The following ARIH1 variants were observed in gnomAD, a reference collection of about 807,000 sequenced individuals.
ARIH1 encodes E3 ubiquitin-protein ligase ARIH1.
ARIH1 carries 8 observed loss-of-function variants against 85.0 expected under a neutral mutation model. The ratio of observed to expected loss-of-function variants is 0.09; its 90% confidence interval spans 0.06 to 0.17. ARIH1 has a LOEUF of 0.17. ARIH1 is among the 10% of genes least tolerant of loss of function. The pLI is 1.00. For missense variants in ARIH1, 311 were observed against 718.1 expected (o/e 0.43, Z 6.48); for synonymous variants, 238 against 253.6 (o/e 0.94, Z 0.59).
At chr15:72,553,424 C>G (rs1246343667) in intron 3 of ARIH1, among the ~76,000 whole-genome samples, 1 of 152,072 alleles carries the variant, frequency 6.6e-6, no homozygotes, top group Admixed American at 6.5e-5. Context: ...ATATACTATC[C>G]AGTTCACCCA....
intron 2 of ARIH1, among the ~76,000 whole-genome samples, chr15:72,525,890 C>T (rs1201050712): frequency 6.6e-6 from 1 of 152,116 alleles, no homozygotes; most frequent in Non-Finnish European, 1.5e-5. Context: ...ATCCTCTCAC[C>T]TCAGCCCCAC....
chr15:72,587,732 G>C lies in ARIH1; in HGVS notation c.*4440G>C, dbSNP rs2064323396. The stretch of plus-strand genomic sequence containing the variant: ...ATATCTGGTTTATTTTAGGGATTTT[G>C]CTTCTGTAGTTACCCAAGATCAAAT... On this transcript the variant is annotated 3_prime_UTR_variant, in exon 14 of 14. Transcript: ENST00000379887. 6.6e-6 allele frequency: 1 copy of C among 152,636 alleles called. No homozygotes were observed. Among genetic ancestry groups the C allele is most frequent in the Non-Finnish European group, 1.5e-5 (1 of 68,418 alleles). The allele number at this position is 152,636 out of a possible 1,614,324, so 9.5% of individuals were successfully genotyped here. A position where few individuals can be genotyped will look rare whatever the true frequency, so the allele number is the denominator to read the frequency against.
At chr15:72,486,245 GA>G (rs1333258316) in intron 1 of ARIH1, among the ~76,000 whole-genome samples, 1 of 152,028 alleles carries the variant, frequency 6.6e-6, no homozygotes, top group Non-Finnish European at 1.5e-5. Flanking sequence ...ATATTAAATA[GA>G]AAATTTCAGA....
rs2064357930 is a variant in ARIH1 at position 72,594,952 on chromosome 15, G to A, written c.*11660G>A. 1 of 150,150 alleles carries A rather than the reference G, an allele frequency of 6.7e-6. No individual in the cohort carries two copies. The highest frequency in any genetic ancestry group is 2.1e-4 in the South Asian group (1 of 4,746). 9.3% of individuals were successfully genotyped at this position (150,150 alleles called of 1,614,324 possible). A position where few individuals can be genotyped will look rare whatever the true frequency, so the allele number is the denominator to read the frequency against. On this transcript the variant is annotated 3_prime_UTR_variant, in exon 14 of 14. Coordinates refer to ENST00000379887, the MANE Select transcript of ARIH1 (RefSeq NM_005744.5). ...AAAGATTTTAATGTTTCATCACTAA[G>A]TATAATGTTAACTGTAAGTTTTTCA...
intron 3 of ARIH1, among the ~76,000 whole-genome samples, chr15:72,548,263 C>A (rs2140425850): frequency 6.6e-6 from 1 of 152,210 alleles, no homozygotes; most frequent in Admixed American, 6.5e-5. Flanking sequence ...CATCTGAAGG[C>A]ATGGTAGTTA....
At chr15:72,563,315 T>C (rs1399071531) in intron 6 of ARIH1, 79 bp from the exon 7 acceptor site, 2 of 1,273,936 alleles carry the variant, frequency 1.6e-6, no homozygotes, top group Non-Finnish European at 2.3e-6. Flanking sequence ...CGCCTTGGCC[T>C]CCCTAAGTTC....
rs751344394 is a variant in ARIH1 at position 72,474,659 on chromosome 15, A to G, written c.20A>G (p.Tyr7Cys). Residue 7 changes from tyrosine (Y) to cysteine (C), a missense_variant, in exon 1 of 14, where the codon TAC (tyrosine) becomes TGC (cysteine). This residue lies in a region of ARIH1 where 157 missense variants were observed against 185.1 expected (regional missense o/e 0.85). Transcript: ENST00000379887. MDSDEGYNYEFDEDEEC... is the reference protein window; with the variant it reads MDSDEGCNYEFDEDEEC... Reference sequence around the variant, plus strand: ...CGCGCCATGGACTCGGACGAGGGCTACAACTACGAGTTCGACGAGGACGAG... The same window carrying G: ...CGCGCCATGGACTCGGACGAGGGCTGCAACTACGAGTTCGACGAGGACGAG... 7 of 1,550,724 alleles carry G rather than the reference A, an allele frequency of 4.5e-6. No homozygotes were observed. The highest frequency in any genetic ancestry group is 2.6e-5 in the East Asian group (1 of 39,074).
intron 1 of ARIH1, among the ~76,000 whole-genome samples, chr15:72,493,380 T>A (rs2063867181): frequency 6.6e-6 from 1 of 152,150 alleles, no homozygotes; most frequent in African/African-American, 2.4e-5. Flanking sequence ...TTGAGGCCTG[T>A]GCATGTCTGT....
intron 2 of ARIH1, among the ~76,000 whole-genome samples, chr15:72,531,133 G>A (rs1323205770): frequency 1.3e-5 from 2 of 152,092 alleles, no homozygotes; most frequent in Non-Finnish European, 2.9e-5. Context: ...ACACCTTACA[G>A]TCCAAAAAGA....
chr15:72,549,544 G>T (rs1465886177), intron 3 of ARIH1, among the ~76,000 whole-genome samples: 1 of 152,162 alleles, frequency 6.6e-6, no homozygotes, highest in Non-Finnish European at 1.5e-5. Flanking sequence ...GCTGGAAACT[G>T]CTTGAAAATA....
At chr15:72,514,348 C>A (rs2063964912) in intron 1 of ARIH1, among the ~76,000 whole-genome samples, 1 of 152,140 alleles carries the variant, frequency 6.6e-6, no homozygotes, top group East Asian at 1.9e-4. Flanking sequence ...CTGTCATCTT[C>A]TTTCTGATAG....
In ARIH1 at chr15:72,509,837, G is replaced by A. The variant is rs181319786; in HGVS notation, c.376-8230G>A. ...ACTCTTGGGCTCAAGCAGTCCTCCC[G>A]CCTTGGCCCCTCAAAGTGTTGGGAT... On this transcript the variant is annotated intron_variant, in intron 1 of 13. Coordinates refer to ENST00000379887, the MANE Select transcript of ARIH1 (RefSeq NM_005744.5). Among the ~76,000 whole-genome samples the A allele has an allele frequency of 3.2e-4, 48 of 151,814 alleles. No individual in the cohort carries two copies. In the East Asian group the frequency reaches 8.3e-3, roughly 26 times the overall value.
At position 72,563,511 on chromosome 15, in the gene ARIH1, G is replaced by A. The variant is rs2064205975; in HGVS notation, c.911+11G>A. 1.2e-6 allele frequency: 2 copies of A among 1,601,920 alleles called. No individual in the cohort carries two copies. Among genetic ancestry groups the A allele is most frequent in the Admixed American group, 1.7e-5 (1 of 59,964 alleles). On this transcript the variant is annotated intron_variant, in intron 7 of 13. Coordinates refer to ENST00000379887, the MANE Select transcript of ARIH1 (RefSeq NM_005744.5). The stretch of plus-strand genomic sequence containing the variant: ...TGGGCGCCAATTTTGGTAAGCAAGT[G>A]ATTTCCTAAATTGAAATAGTGCACA...
intron 1 of ARIH1, among the ~76,000 whole-genome samples, chr15:72,507,790 A>G (rs1473437543): frequency 1.3e-5 from 2 of 152,258 alleles, no homozygotes; most frequent in Non-Finnish European, 2.9e-5. Context: ...CAGCTAGGAC[A>G]GTTGACATAA....
Position 72,592,820 on chromosome 15 carries a change from C to T in ARIH1, c.*9528C>T, listed in dbSNP as rs148560455. ...TTTATTCATTCTCCTATTGAAGGACCTTTAGGTTGTTTCCAGTTTGGGGCA... is the reference window on the plus strand; with the variant it reads ...TTTATTCATTCTCCTATTGAAGGACTTTTAGGTTGTTTCCAGTTTGGGGCA... On this transcript the variant is annotated 3_prime_UTR_variant, in exon 14 of 14. Coordinates refer to ENST00000379887, the MANE Select transcript of ARIH1 (RefSeq NM_005744.5). The T allele has an allele frequency of 6.6e-4, 100 of 152,218 alleles. No individual in the cohort carries two copies. The highest frequency in any genetic ancestry group is 2.3e-3 in the African/African-American group (95 of 41,532). 9.4% of individuals were successfully genotyped at this position (152,218 alleles called of 1,614,324 possible).
intron 3 of ARIH1, among the ~76,000 whole-genome samples, chr15:72,549,531 G>T (rs897886072): frequency 6.6e-6 from 1 of 152,178 alleles, no homozygotes; most frequent in Non-Finnish European, 1.5e-5. Flanking sequence ...GAATCTTGGT[G>T]CTGCTGGAAA....
chr15:72,587,703 G>A lies in ARIH1; in HGVS notation c.*4411G>A, dbSNP rs2140443390. The A allele has an allele frequency of 6.5e-6, 1 of 153,396 alleles. No homozygotes were observed. Among genetic ancestry groups the A allele is most frequent in the African/African-American group, 2.4e-5 (1 of 41,530 alleles). The allele number at this position is 153,396 out of a possible 1,614,324, so 9.5% of individuals were successfully genotyped here. A position where few individuals can be genotyped will look rare whatever the true frequency, so the allele number is the denominator to read the frequency against. On this transcript the variant is annotated 3_prime_UTR_variant, in exon 14 of 14. Transcript: ENST00000379887. ...TTCATATATCTTTGGGGATAAAGTT[G>A]GTTATATCTGGTTTATTTTAGGGAT...
At chr15:72,569,464 A>G (rs916679522) in intron 9 of ARIH1, among the ~76,000 whole-genome samples, 72 of 152,220 alleles carry the variant, frequency 4.7e-4, no homozygotes, top group African/African-American at 1.7e-3. Context: ...TTACCAATCA[A>G]GGTCTGATTT....
chr15:72,483,483 A>G (rs904963604), intron 1 of ARIH1, among the ~76,000 whole-genome samples: 2 of 152,226 alleles, frequency 1.3e-5, no homozygotes, highest in African/African-American at 4.8e-5. Context: ...AGGGGATTAT[A>G]CAAAGATGTG....
Sources: gnomAD v4.1 joint callset for allele counts (sites outside exome capture counted in the v4.1 genomes callset) on GRCh38, gnomAD v4.1.1 for gene constraint, gnomAD v4.1.1 regional missense constraint, MANE v1.5 for transcripts, NCBI Gene and HGNC (gene_info 2026-07-23, HGNC 2026-07-21) for gene names.